The following TUB variants were observed in gnomAD, a reference collection of about 807,000 sequenced individuals.
TUB encodes tubby protein homolog.
Under a neutral mutation model 59.7 loss-of-function variants are expected in TUB, and 33 were observed. The observed-to-expected ratio is 0.55, with a 90% CI of 0.42 to 0.74. TUB has a LOEUF of 0.74. Ranked by LOEUF, TUB falls within the 30% of genes least tolerant of loss-of-function variation. The pLI is 0.00. For synonymous variants in TUB, 293 were observed against 256.4 expected (o/e 1.14, Z -1.36); for missense variants, 659 against 672.0 (o/e 0.98, Z 0.21).
At position 8,101,655 on chromosome 11, in the gene TUB, G is replaced by A. The variant is rs752122360; in HGVS notation, c.*36G>A. On this transcript the variant is annotated 3_prime_UTR_variant, in exon 12 of 12. Coordinates refer to ENST00000299506, the MANE Select transcript of TUB (RefSeq NM_177972.3). ...GTGCCCTTTGGGGTTGCCCAGCCTG[G>A]AGCGGAGCTTGCCTGCCTGCCTGTG... The A allele has an allele frequency of 2.5e-6, 4 of 1,610,358 alleles. No individual in the cohort carries two copies. The highest frequency in any genetic ancestry group is 2.2e-5 in the East Asian group (1 of 44,748).
At chr11:8,100,672 C>A in intron 10 of TUB, 71 bp downstream of exon 10, 6 of 1,549,750 alleles carry the variant, frequency 3.9e-6, no homozygotes, top group Non-Finnish European at 5.3e-6. Context: ...AAGGGCAGAA[C>A]TCCAGCTGAT....
chr11:8,035,478 T>A (rs1942633083), upstream of TUB: 1 of 152,366 alleles, frequency 6.6e-6, no homozygotes, highest in Admixed American at 6.5e-5. Flanking sequence ...CAGCTCTTAC[T>A]GCCTACTGCC....
At position 8,032,125 on chromosome 11, in the gene TUB, CGCCTGGGGAAAG is replaced by C. The variant is rs1361374483; in HGVS notation, c.56+12783_56+12794del. Reference sequence around the variant, plus strand: ...GTCCCGCCTGGGGAAAGGCCGGGAGCGCCTGGGGAAAGGCCTGGGGAAAGGCCGGGAGCGCAG... The same window carrying C: ...GTCCCGCCTGGGGAAAGGCCGGGAGCGCCTGGGGAAAGGCCGGGAGCGCAG... On this transcript the variant is annotated intron_variant, in intron 1 of 11. Coordinates refer to the TUB transcript ENST00000534099. Among the ~76,000 whole-genome samples the C allele has an allele frequency of 1.6e-4, 24 of 151,718 alleles. 1 individual carries two copies. Among genetic ancestry groups the C allele is most frequent in the South Asian group, 4.2e-4 (2 of 4,814 alleles).
Position 8,047,153 on chromosome 11 carries a change from C to G in TUB, c.203+7461C>G, listed in dbSNP as rs527383915. Among the ~76,000 whole-genome samples the G allele has an allele frequency of 6.2e-3, 943 of 152,236 alleles. 14 individuals carry two copies. Among genetic ancestry groups the G allele is most frequent in the African/African-American group, 0.021 (881 of 41,510 alleles). ...CTCTCCTGCCTCTCCCCACTGCCAG[C>G]TGCACCAGCCCCCCAAACTCATGTA... On this transcript the variant is annotated intron_variant, in intron 2 of 12. Transcript: ENST00000305253.
intron 8 of TUB, 73 bp from the exon 9 acceptor site, chr11:8,098,685 G>A: frequency 3.4e-6 from 4 of 1,171,424 alleles, no homozygotes; most frequent in Non-Finnish European, 5.1e-6. Context: ...CTCCTCATAG[G>A]ACAGACGATG....
intron 2 of TUB, among the ~76,000 whole-genome samples, chr11:8,047,871 G>C (rs1334455124): frequency 6.6e-6 from 1 of 152,176 alleles, no homozygotes; most frequent in African/African-American, 2.4e-5. Context: ...TTTTAGAATA[G>C]GATGTGATGA....
chr11:8,048,939 A>G (rs1240253919), intron 2 of TUB, among the ~76,000 whole-genome samples: 4 of 152,316 alleles, frequency 2.6e-5, no homozygotes, highest in African/African-American at 9.6e-5. Flanking sequence ...ATCATATTTA[A>G]TATTCGTAAT....
At chr11:8,083,622 C>T (rs1298169008) in intron 1 of TUB, among the ~76,000 whole-genome samples, 1 of 151,940 alleles carries the variant, frequency 6.6e-6, no homozygotes, top group Non-Finnish European at 1.5e-5. Context: ...CGCCACCCCT[C>T]CAATTCCTTT....
At chr11:8,024,930 C>T (rs1240429983) in intron 1 of TUB, among the ~76,000 whole-genome samples, 1 of 152,226 alleles carries the variant, frequency 6.6e-6, no homozygotes, top group Non-Finnish European at 1.5e-5. Flanking sequence ...AGCCCAGGTC[C>T]TTAAATTATT....
rs115795826 is a variant in TUB at position 8,086,735 on chromosome 11, G to A, written c.39-2875G>A. ...AGCCAGGCACAGGTGGCTTCTCCCCGGTGGCCGCCCCCCAGCTGTGCATGC... is the reference window on the plus strand; with the variant it reads ...AGCCAGGCACAGGTGGCTTCTCCCCAGTGGCCGCCCCCCAGCTGTGCATGC... On this transcript the variant is annotated intron_variant, in intron 1 of 11. Coordinates refer to ENST00000299506, the MANE Select transcript of TUB (RefSeq NM_177972.3). Among the ~76,000 whole-genome samples the A allele has an allele frequency of 8.8e-3, 1,338 of 152,174 alleles. 20 individuals are homozygous for A. The highest frequency in any genetic ancestry group is 0.03 in the African/African-American group (1,264 of 41,526).
chr11:8,091,321 G>A (rs1047278896), intron 3 of TUB, among the ~76,000 whole-genome samples: 4 of 152,146 alleles, frequency 2.6e-5, no homozygotes, highest in Admixed American at 6.5e-5. Context: ...ATACAGGCTC[G>A]GTCCCCTGTG....
chr11:8,080,643 G>A (rs1021349466), upstream of TUB, among the ~76,000 whole-genome samples: 3 of 152,144 alleles, frequency 2.0e-5, no homozygotes, highest in East Asian at 3.9e-4. Context: ...CTAGAAATTT[G>A]CAAGGGCTGG....
chr11:8,080,849 G>T (rs1429813352), upstream of TUB, among the ~76,000 whole-genome samples: 2 of 152,316 alleles, frequency 1.3e-5, no homozygotes, highest in African/African-American at 2.4e-5. Flanking sequence ...CTTCCTGCAC[G>T]ACTGGATTCC....
At chr11:8,043,853 G>A (rs924488288) in intron 2 of TUB, among the ~76,000 whole-genome samples, 2 of 152,138 alleles carry the variant, frequency 1.3e-5, no homozygotes, top group Admixed American at 6.5e-5. Context: ...TGTATGAGTA[G>A]AGATAGTTTT....
At chr11:8,098,595 A>T (rs1335243705) in intron 8 of TUB, among the ~76,000 whole-genome samples, 163 bp from the exon 9 acceptor site, 1 of 152,142 alleles carries the variant, frequency 6.6e-6, no homozygotes, top group Non-Finnish European at 1.5e-5. Flanking sequence ...CTGCCCACGA[A>T]GTGTCTTCAA....
intron 2 of TUB, among the ~76,000 whole-genome samples, chr11:8,054,142 G>C: frequency 6.6e-6 from 1 of 152,076 alleles, no homozygotes; most frequent in Admixed American, 6.5e-5. Flanking sequence ...TGAAATACTT[G>C]TCCCAAAATT....
At chr11:8,038,738 C>G in exon 1 of TUB, 1 of 1,499,914 alleles carries the variant, frequency 6.7e-7, no homozygotes, top group South Asian at 1.4e-5. Flanking sequence ...CTGACTGTTG[C>G]CACGGTGATG....
intron 10 of TUB, 46 bp downstream of exon 10, chr11:8,100,647 T>C (rs1208735887): frequency 3.8e-6 from 6 of 1,586,312 alleles, no homozygotes; most frequent in Non-Finnish European, 5.2e-6. Context: ...CATCCTAGTC[T>C]CTGCATGAGC....
intron 5 of TUB, among the ~76,000 whole-genome samples, 178 bp downstream of exon 5, chr11:8,095,843 C>T (rs1411757043): frequency 6.6e-6 from 1 of 152,250 alleles, no homozygotes; most frequent in African/African-American, 2.4e-5. Context: ...TGCTAAGGCC[C>T]CAGGGAGGCC....
Sources: gnomAD v4.1 joint callset for allele counts (sites outside exome capture counted in the v4.1 genomes callset) on GRCh38, gnomAD v4.1.1 for gene constraint, MANE v1.5 for transcripts, NCBI Gene and HGNC (gene_info 2026-07-23, HGNC 2026-07-21) for gene names.